Variants in PHF24 observed in about 807,000 individuals in gnomAD.
PHF24 encodes PHD finger protein 24.
In PHF24, 25 loss-of-function variants were observed where a neutral mutation model predicts 42.6. The ratio of observed to expected loss-of-function variants is 0.59; its 90% confidence interval spans 0.43 to 0.82. PHF24 has a LOEUF of 0.82. Among genes scored for constraint, PHF24 ranks in the 40% least tolerant of loss-of-function variants. The pLI is 0.00. For synonymous variants in PHF24, 185 were observed against 204.8 expected (o/e 0.90, Z 0.83); for missense variants, 470 against 538.1 (o/e 0.87, Z 1.25).
At chr9:34,720,622 C>A in the PHF24 span, among the ~76,000 whole-genome samples, 1 of 152,184 alleles carries the variant, frequency 6.6e-6, no homozygotes, top group South Asian at 2.1e-4. Flanking sequence ...CTTCTCAGGG[C>A]AGCTTCTTTG....
At chr9:34,758,462 A>G in the PHF24 span, among the ~76,000 whole-genome samples, 1 of 152,214 alleles carries the variant, frequency 6.6e-6, no homozygotes, top group South Asian at 2.1e-4. This position sits in a 1 kb window ranked among gnomAD's most constrained non-coding sequence, Gnocchi z 4.4. Context: ...CTGGAAGTAT[A>G]GGCAGCAGGG....
At chr9:34,684,438 G>GC in the PHF24 span, among the ~76,000 whole-genome samples, 1 of 152,156 alleles carries the variant, frequency 6.6e-6, no homozygotes, top group Non-Finnish European at 1.5e-5. Flanking sequence ...AGAGGATGGT[G>GC]CCCCCTGGAG....
chr9:34,679,030 A>T, the PHF24 span, among the ~76,000 whole-genome samples: 3 of 152,222 alleles, frequency 2.0e-5, no homozygotes, highest in Non-Finnish European at 2.9e-5. Context: ...TACAGGCCAG[A>T]TACTCACATT....
chr9:34,806,703 C>T, the PHF24 span, among the ~76,000 whole-genome samples: 2 of 152,202 alleles, frequency 1.3e-5, no homozygotes, highest in African/African-American at 2.4e-5. Flanking sequence ...AAGTGATCCA[C>T]CCACCTCAGC....
chr9:34,824,659 T>C, the PHF24 span, among the ~76,000 whole-genome samples: 1 of 152,170 alleles, frequency 6.6e-6, no homozygotes, highest in African/African-American at 2.4e-5. Context: ...AATTTTGTGT[T>C]GGAGGCTGAT....
the PHF24 span, among the ~76,000 whole-genome samples, chr9:34,919,368 C>T: frequency 6.6e-6 from 1 of 152,196 alleles, no homozygotes; most frequent in Non-Finnish European, 1.5e-5. Context: ...TAACTATTGT[C>T]ACCCTACTGT....
At chr9:34,770,470 A>T in the PHF24 span, among the ~76,000 whole-genome samples, 1 of 152,344 alleles carries the variant, frequency 6.6e-6, no homozygotes, top group South Asian at 2.1e-4. Context: ...AGTATTTATT[A>T]TTAATTTCAA....
the PHF24 span, among the ~76,000 whole-genome samples, chr9:34,688,532 T>C: frequency 6.6e-6 from 1 of 152,144 alleles, no homozygotes; most frequent in Non-Finnish European, 1.5e-5. Flanking sequence ...GGGGTGGTGG[T>C]AGGGCTCCTC....
At chr9:34,699,972 C>T in the PHF24 span, among the ~76,000 whole-genome samples, 3 of 152,142 alleles carry the variant, frequency 2.0e-5, no homozygotes, top group Non-Finnish European at 4.4e-5. Context: ...ATAAGGCAGT[C>T]AGGAAAACCT....
the PHF24 span, chr9:34,691,206 C>T: frequency 6.9e-7 from 1 of 1,454,084 alleles, no homozygotes; most frequent in Non-Finnish European, 9.6e-7. Flanking sequence ...TGTGCAGGAT[C>T]TGTGTGAGGC....
At chr9:34,942,247 G>A in the PHF24 span, among the ~76,000 whole-genome samples, 2 of 152,170 alleles carry the variant, frequency 1.3e-5, no homozygotes, top group African/African-American at 4.8e-5. Context: ...AGCCTTCCAT[G>A]TTGGGACAGA....
chr9:34,917,445 G>T, the PHF24 span: 1 of 768,312 alleles, frequency 1.3e-6, no homozygotes, highest in Non-Finnish European at 2.4e-6. Context: ...GACCCTTTCC[G>T]TAAGGATCCT....
chr9:34,759,559 A>G, the PHF24 span, among the ~76,000 whole-genome samples: 595 of 152,278 alleles, frequency 3.9e-3, 23 homozygotes, highest in Admixed American at 0.035. Context: ...TTCCTCGCCA[A>G]TAAGTTGAAA....
chr9:34,686,964 C>G, the PHF24 span, among the ~76,000 whole-genome samples: 1 of 151,834 alleles, frequency 6.6e-6, no homozygotes, highest in Non-Finnish European at 1.5e-5. Flanking sequence ...GGGCAGGATG[C>G]TCAGTTGCTC....
At chr9:34,709,503 T>C in the PHF24 span, 1 of 1,614,086 alleles carries the variant, frequency 6.2e-7, no homozygotes, top group Non-Finnish European at 8.5e-7. Context: ...TCCTCACCTC[T>C]TGCAGCCTTT....
At chr9:34,906,717 C>A in the PHF24 span, among the ~76,000 whole-genome samples, 3 of 151,792 alleles carry the variant, frequency 2.0e-5, no homozygotes, top group Admixed American at 6.6e-5. Flanking sequence ...TTATTCCCCC[C>A]ACTCAAAGTG....
At chr9:34,840,893 G>A in the PHF24 span, among the ~76,000 whole-genome samples, 1 of 152,100 alleles carries the variant, frequency 6.6e-6, no homozygotes, top group Admixed American at 6.5e-5. Flanking sequence ...ATATATGTAG[G>A]AAAAATTCCT....
the PHF24 span, chr9:34,889,710 C>T: frequency 5.0e-6 from 2 of 397,818 alleles, no homozygotes; most frequent in Non-Finnish European, 8.9e-6. Flanking sequence ...GAAAGTGTGG[C>T]CCTGCAAATT....
chr9:34,981,057 G>C (rs3739874), exon 8 of PHF24: 8,938 of 152,428 alleles, frequency 0.059, 716 homozygotes, highest in African/African-American at 0.18. Context: ...CAGAACACTT[G>C]AGCAAGGGCC....
Sources: gnomAD v4.1 joint callset for allele counts (sites outside exome capture counted in the v4.1 genomes callset) on GRCh38, gnomAD v4.1.1 for gene constraint, Gnocchi (gnomAD v3.1) non-coding constraint, MANE v1.5 for transcripts, NCBI Gene and HGNC (gene_info 2026-07-23, HGNC 2026-07-21) for gene names.